The following PLCE1 variants were observed in gnomAD, a reference collection of about 807,000 sequenced individuals.
PLCE1 encodes the protein 1-phosphatidylinositol 4,5-bisphosphate phosphodiesterase epsilon-1.
In PLCE1, 119 loss-of-function variants were observed where a neutral mutation model predicts 242.8. The observed-to-expected ratio is 0.49, with a 90% confidence interval of 0.42 to 0.57. The LOEUF (loss-of-function observed/expected upper bound fraction) is 0.57, where lower values mean the gene tolerates loss of function less well. PLCE1 is among the 20% of genes least tolerant of loss of function. The pLI is 0.00. For missense variants in PLCE1, 2,441 were observed against 2,788.8 expected, an observed-to-expected ratio of 0.88 and a Z score of 2.81; for synonymous variants, 945 against 1,017.4, an observed-to-expected ratio of 0.93 and a Z score of 1.35.
intron 4 of PLCE1, among the ~76,000 whole-genome samples, chr10:94,178,349 A>G (rs1226584166): frequency 1.3e-5 from 2 of 152,076 alleles, no homozygotes; most frequent in African/African-American, 2.4e-5. Flanking sequence ...TGAGACCCCC[A>G]GTTCTATTGA....
At chr10:94,256,789 C>T (rs913942340) in intron 11 of PLCE1, among the ~76,000 whole-genome samples, 2 of 152,140 alleles carry the variant, frequency 1.3e-5, no homozygotes, top group African/African-American at 4.8e-5. Context: ...GATCAGCACC[C>T]ACTCAAGTGT....
At chr10:94,213,624 C>T (rs2049418214) in intron 4 of PLCE1, among the ~76,000 whole-genome samples, 1 of 152,150 alleles carries the variant, frequency 6.6e-6, no homozygotes, top group Admixed American at 6.5e-5. Context: ...TTTCTTGCCC[C>T]TTTTCCTCTG....
intron 2 of PLCE1, among the ~76,000 whole-genome samples, chr10:94,087,349 CAAAAAA>C (rs57482986): frequency 7.4e-5 from 5 of 67,502 alleles, no homozygotes; most frequent in Admixed American, 6.7e-4. Flanking sequence ...GACCCTGTCT[CAAAAAA>C]AAAAAAAAAA....
At chr10:94,313,479 A>G in intron 28 of PLCE1, 97 bp downstream of exon 28, 1 of 1,392,142 alleles carries the variant, frequency 7.2e-7, no homozygotes, top group South Asian at 1.2e-5. Context: ...ACACAGATGC[A>G]CATGAATGCG....
intron 3 of PLCE1, among the ~76,000 whole-genome samples, chr10:94,161,984 C>A (rs2047631060): frequency 6.6e-6 from 1 of 152,164 alleles, no homozygotes; most frequent in Non-Finnish European, 1.5e-5. Context: ...GTTGAACCAG[C>A]CTTGCATCCC....
At chr10:94,232,231 A>G (rs887057464) in intron 5 of PLCE1, among the ~76,000 whole-genome samples, 2 of 152,048 alleles carry the variant, frequency 1.3e-5, no homozygotes, top group African/African-American at 4.8e-5. Context: ...GTCATGTTGT[A>G]CTTCTTTATG....
At position 94,171,496 on chromosome 10, in the gene PLCE1, G is replaced by A. The variant is rs2047977332; in HGVS notation, c.1809G>A (p.Glu603=). 1 of 1,612,396 alleles carries A rather than the reference G, an allele frequency of 6.2e-7. No individual in the cohort carries two copies. The highest frequency in any genetic ancestry group is 1.3e-5 in the African/African-American group (1 of 74,894). The change falls in exon 4 of 33, where the codon GAG becomes GAA. Residue 603 remains glutamate, a splice_region_variant and synonymous_variant. Transcript: ENST00000371380. ...AAGATCTGGTGATGAGGTTTAATGA[G>A]GTAAGAAGCCACTTTTTGATGTCTT... The part of the protein sequence containing the change: ...ALEDLVMRFN[E]VSSWVTWLIL...
At chr10:94,165,483 A>T (rs757324370) in intron 3 of PLCE1, among the ~76,000 whole-genome samples, 7 of 152,094 alleles carry the variant, frequency 4.6e-5, no homozygotes, top group Non-Finnish European at 8.8e-5. Context: ...AAATGCAGAA[A>T]TCATTCATCT....
chr10:94,214,392 C>G (rs1687333677), intron 4 of PLCE1, among the ~76,000 whole-genome samples: 1 of 152,144 alleles, frequency 6.6e-6, no homozygotes, highest in South Asian at 2.1e-4. Flanking sequence ...GATTAGAATT[C>G]CAGTTTTCAT....
At chr10:94,284,012 C>A in intron 21 of PLCE1, 101 bp downstream of exon 21, 2 of 1,385,836 alleles carry the variant, frequency 1.4e-6, no homozygotes, top group South Asian at 2.3e-5. Flanking sequence ...TTTCACCTTT[C>A]CCCTCACTTT....
chr10:94,124,356 C>CTG (rs1332314713), intron 2 of PLCE1, among the ~76,000 whole-genome samples: 3 of 128,880 alleles, frequency 2.3e-5, no homozygotes, highest in African/African-American at 9.0e-5. Context: ...CCAGCCTGGG[C>CTG]AACAGAGTGA....
At chr10:94,259,393 C>T (rs1181888251) in intron 13 of PLCE1, among the ~76,000 whole-genome samples, 1 of 151,990 alleles carries the variant, frequency 6.6e-6, no homozygotes, top group Non-Finnish European at 1.5e-5. Flanking sequence ...AATTGATTCT[C>T]CTGCCTCAGC....
At chr10:94,065,592 T>A (rs548549958) in intron 2 of PLCE1, among the ~76,000 whole-genome samples, 1 of 152,298 alleles carries the variant, frequency 6.6e-6, no homozygotes, top group East Asian at 1.9e-4. Flanking sequence ...CCCCATAAAA[T>A]TATGAAATCT....
chr10:94,155,967 C>T (rs1169815563), intron 3 of PLCE1, among the ~76,000 whole-genome samples: 7 of 151,910 alleles, frequency 4.6e-5, no homozygotes, highest in East Asian at 3.9e-4. Flanking sequence ...ATAAATGTTA[C>T]GGTATGTGAA....
intron 27 of PLCE1, among the ~76,000 whole-genome samples, chr10:94,310,543 G>A (rs1322758164): frequency 2.0e-5 from 3 of 152,178 alleles, no homozygotes; most frequent in African/African-American, 7.2e-5. Context: ...TGGCCAAAGT[G>A]GAGGGAGGTG....
At chr10:94,277,353 C>G (rs2051994865) in intron 19 of PLCE1, among the ~76,000 whole-genome samples, 1 of 152,176 alleles carries the variant, frequency 6.6e-6, no homozygotes, top group Non-Finnish European at 1.5e-5. Flanking sequence ...TGACCCATAC[C>G]TCCAACCACA....
rs79122154 is a variant in PLCE1, at chr10:94,206,602, G to A, written c.1810-20704G>A. Among the ~76,000 whole-genome samples the A allele has an allele frequency of 3.7e-3, 566 of 152,328 alleles. 6 individuals carry two copies. Among genetic ancestry groups the A allele is most frequent in the African/African-American group, 0.013 (535 of 41,564 alleles). On this transcript the variant is annotated intron_variant, in intron 4 of 32. Transcript: ENST00000371380. ...GGGTGGTTTGGGCCATACATCAACC[G>A]TGGACAGTGGACAAATCTATGTGGC...
intron 2 of PLCE1, among the ~76,000 whole-genome samples, chr10:94,071,955 C>G (rs2044373992): frequency 6.6e-6 from 1 of 152,126 alleles, no homozygotes; most frequent in Non-Finnish European, 1.5e-5. Flanking sequence ...CTGAAAAACC[C>G]TGGATGGTGT....
intron 8 of PLCE1, among the ~76,000 whole-genome samples, chr10:94,249,983 T>C (rs950540680): frequency 1.3e-5 from 2 of 152,112 alleles, no homozygotes; most frequent in Non-Finnish European, 2.9e-5. Context: ...ATTAGTTTAA[T>C]GGTCTTCAAA....
Sources: gnomAD v4.1 joint callset for allele counts (sites outside exome capture counted in the v4.1 genomes callset) on GRCh38, gnomAD v4.1.1 for gene constraint, MANE v1.5 for transcripts, NCBI Gene and HGNC (gene_info 2026-07-23, HGNC 2026-07-21) for gene names.